Variants in LCT observed in about 807,000 individuals in gnomAD.
The protein encoded by LCT is lactase/phlorizin hydrolase.
In LCT, 90 loss-of-function variants were observed where a neutral mutation model predicts 173.0. That is an observed-to-expected ratio of 0.52 (90% CI 0.44 to 0.62). LCT has a LOEUF of 0.62. LCT is among the 20% of genes least tolerant of loss of function. The pLI, the probability that LCT is intolerant of heterozygous loss-of-function variation, is 0.00. For synonymous variants in LCT, 853 were observed against 957.6 expected, an observed-to-expected ratio of 0.89 and a Z score of 2.02; for missense variants, 1,864 against 2,431.4, an observed-to-expected ratio of 0.77 and a Z score of 4.91.
At chr2:135,825,016 G>T (rs868539474) in intron 3 of LCT, among the ~76,000 whole-genome samples, 1 of 144,586 alleles carries the variant, frequency 6.9e-6, no homozygotes, top group Non-Finnish European at 1.5e-5. Context: ...AAAAGAAAAA[G>T]AAAAGTTATA....
intron 5 of LCT, among the ~76,000 whole-genome samples, chr2:135,821,206 T>C (rs1259071461): frequency 3.3e-5 from 5 of 152,154 alleles, no homozygotes; most frequent in Admixed American, 2.6e-4. Context: ...TTAAAGCATA[T>C]CATTTGCAAA....
rs939631900 is a variant in LCT, at chr2:135,818,183, C to G, written c.987-122G>C. 6 of 1,197,498 alleles carry G rather than the reference C, an allele frequency of 5.0e-6. No individual in the cohort carries two copies. The African/African-American group carries it at 9.0e-5, about 18-fold the overall frequency. 74.2% of individuals were successfully genotyped at this position (1,197,498 alleles called of 1,614,324 possible). ...ATTCCAGAAACACTGAGTCAAAAGT[C>G]ATATCTGCAAAGCCATGGGCAGGAA... is the stretch of plus-strand genomic sequence containing the variant. On this transcript the variant is annotated intron_variant, in intron 5 of 16. Transcript: ENST00000264162.
chr2:135,798,021 G>C lies in LCT; in HGVS notation c.4976+8C>G. On this transcript the variant is annotated splice_region_variant and intron_variant, in intron 13 of 16. Transcript: ENST00000264162. ...ATGCCCTCACCACTGCGGGCACCAG[G>C]CCCTTACCGAGACTTGTTGAGGCCT... is the stretch of plus-strand genomic sequence containing the variant. The C allele has an allele frequency of 6.5e-7, 1 of 1,542,134 alleles. No individual in the cohort carries two copies. Among genetic ancestry groups the C allele is most frequent in the Non-Finnish European group, 9.0e-7 (1 of 1,114,122 alleles).
At chr2:135,804,589 C>T (rs534769740) in intron 10 of LCT, among the ~76,000 whole-genome samples, 178 bp downstream of exon 10, 4 of 152,212 alleles carry the variant, frequency 2.6e-5, no homozygotes, top group South Asian at 2.1e-4. Flanking sequence ...GGCTGAGAAA[C>T]GAGATCCGCC....
At chr2:135,824,643 A>G (rs1056889078) in intron 3 of LCT, among the ~76,000 whole-genome samples, 3 of 152,212 alleles carry the variant, frequency 2.0e-5, no homozygotes, top group African/African-American at 7.2e-5. Flanking sequence ...TTGCAGCTGG[A>G]GATGGCTTCG....
At chr2:135,806,912 T>C (rs1315825891) in intron 9 of LCT, among the ~76,000 whole-genome samples, 1 of 152,200 alleles carries the variant, frequency 6.6e-6, no homozygotes, top group Non-Finnish European at 1.5e-5. Flanking sequence ...CAAGCACCCA[T>C]CTCAGGACAG....
chr2:135,806,028 T>TA (rs1301156857), intron 9 of LCT, among the ~76,000 whole-genome samples: 1 of 152,078 alleles, frequency 6.6e-6, no homozygotes, highest in Non-Finnish European at 1.5e-5. Context: ...AAATTAAAAA[T>TA]AAAAAATTCA....
intron 13 of LCT, 41 bp from the exon 14 acceptor site, chr2:135,794,816 GC>G: frequency 6.2e-7 from 1 of 1,613,332 alleles, no homozygotes; most frequent in Non-Finnish European, 8.5e-7. Flanking sequence ...TTCAGGGAGA[GC>G]CATGCTTTGA....
chr2:135,827,039 C>T (rs1328459630), intron 3 of LCT, among the ~76,000 whole-genome samples: 4 of 152,060 alleles, frequency 2.6e-5, no homozygotes, highest in Non-Finnish European at 4.4e-5. Flanking sequence ...AGTGCAGTGG[C>T]GCCATCTCGG....
Position 135,802,896 on chromosome 2 carries a change from G to A in LCT, c.4663+1034C>T, listed in dbSNP as rs141788494. Reference sequence around the variant, plus strand: ...GGAGGCTGAGGCGGGCGGATTACCTGAGGTCACGAGTTCGAGACCAGCCTG... The same window carrying A: ...GGAGGCTGAGGCGGGCGGATTACCTAAGGTCACGAGTTCGAGACCAGCCTG... On this transcript the variant is annotated intron_variant, in intron 11 of 16. Coordinates refer to ENST00000264162, the MANE Select transcript of LCT (RefSeq NM_002299.4). Among the ~76,000 whole-genome samples, 669 of 152,256 alleles carry A rather than the reference G, an allele frequency of 4.4e-3. 6 individuals are homozygous for A. Among genetic ancestry groups the A allele is most frequent in the African/African-American group, 0.015 (619 of 41,532 alleles).
At position 135,829,672 on chromosome 2, in the gene LCT, G is replaced by A. The variant is rs757179373; in HGVS notation, c.725C>T (p.Thr242Met). 5.3e-5 allele frequency: 85 copies of A among 1,609,694 alleles called. No individual in the cohort carries two copies. The highest frequency in any genetic ancestry group is 1.8e-4 in the East Asian group (8 of 44,872). Reference sequence around the variant, plus strand: ...CAAATCAAGAGAGAGGAAATCGACCGTGTCCTGAAAATAGTAGTTAAATAG... The same window carrying A: ...CAAATCAAGAGAGAGGAAATCGACCATGTCCTGAAAATAGTAGTTAAATAG... ...EPPISALAQD[T>M]VDFLSLDLSY... Residue 242 changes from threonine to methionine, a missense_variant, in exon 3 of 17, where the codon ACG becomes ATG. Transcript: ENST00000264162.
At chr2:135,823,820 AC>A (rs1334288441) in intron 4 of LCT, 80 bp downstream of exon 4, 3 of 942,396 alleles carry the variant, frequency 3.2e-6, no homozygotes, top group East Asian at 4.9e-5. Context: ...TCCCATTGGA[AC>A]CCCGGACTTT....
chr2:135,833,339 T>TTC, intron 1 of LCT, 149 bp from the exon 2 acceptor site: 1 of 718,866 alleles, frequency 1.4e-6, no homozygotes, highest in Non-Finnish European at 2.5e-6. Flanking sequence ...ACAAGGTGGC[T>TTC]TAAAAAAATA....
Position 135,790,999 on chromosome 2 carries a change from A to C in LCT, c.5112-118T>G. On this transcript the variant is annotated intron_variant, in intron 14 of 16. Coordinates refer to ENST00000264162, the MANE Select transcript of LCT (RefSeq NM_002299.4). This position sits in a 1 kb window ranked among gnomAD's most constrained non-coding sequence, Gnocchi z 4.1. ...GCCTTAGGTTTTGTCTAGCCTTAAG[A>C]ATCATACTAAACCCAGAAGAATCAA... 5.1e-6 allele frequency: 4 copies of C among 779,778 alleles called. No homozygotes were observed. Among genetic ancestry groups the C allele is most frequent in the Non-Finnish European group, 8.9e-6 (4 of 448,098 alleles). The allele number at this position is 779,778 out of a possible 1,614,324, so 48.3% of individuals were successfully genotyped here.
intron 14 of LCT, among the ~76,000 whole-genome samples, chr2:135,792,746 G>C (rs1044163476): frequency 3.3e-5 from 5 of 152,172 alleles, no homozygotes; most frequent in African/African-American, 1.2e-4. Context: ...AGCCTCACCC[G>C]AGGAGAGTCT....
intron 3 of LCT, among the ~76,000 whole-genome samples, chr2:135,825,410 GGGGACAAATGACCCAGGGT>G (rs756979422): frequency 2.6e-5 from 4 of 152,202 alleles, no homozygotes; most frequent in Non-Finnish European, 5.9e-5. Flanking sequence ...TCAATGCAGT[GGGGACAAATGACCCAGGGT>G]GGCGTGCTTA....
chr2:135,824,078 G>T, intron 3 of LCT, 75 bp from the exon 4 acceptor site: 3 of 985,852 alleles, frequency 3.0e-6, no homozygotes, highest in Non-Finnish European at 4.9e-6. Flanking sequence ...AGAGTTTCAA[G>T]ATGAGAAGCT....
chr2:135,835,302 A>G (rs1000521054), intron 1 of LCT, among the ~76,000 whole-genome samples: 26 of 151,514 alleles, frequency 1.7e-4, no homozygotes, highest in African/African-American at 6.3e-4. Flanking sequence ...ATTATTTTAG[A>G]GATAGTGGCT....
intron 12 of LCT, 109 bp downstream of exon 12, chr2:135,800,498 T>G (rs566524355): frequency 2.1e-6 from 2 of 947,680 alleles, no homozygotes; most frequent in African/African-American, 1.6e-5. Context: ...GTGCTGGGAT[T>G]ATAGACATGA....
Sources: gnomAD v4.1 joint callset for allele counts (sites outside exome capture counted in the v4.1 genomes callset) on GRCh38, gnomAD v4.1.1 for gene constraint, Gnocchi (gnomAD v3.1) non-coding constraint, MANE v1.5 for transcripts, NCBI Gene and HGNC (gene_info 2026-07-23, HGNC 2026-07-21) for gene names.